The following NUP93 variants were observed in gnomAD, a reference collection of about 807,000 sequenced individuals.
NUP93 encodes the protein nuclear pore complex protein Nup93.
In NUP93, 55 loss-of-function variants were observed where a neutral mutation model predicts 107.8. The observed-to-expected ratio is 0.51, with a 90% CI of 0.41 to 0.64. The LOEUF (loss-of-function observed/expected upper bound fraction) is 0.64, where lower values mean the gene tolerates loss of function less well. NUP93 is among the 30% of genes least tolerant of loss of function. NUP93 has a pLI of 0.00. For missense variants in NUP93, 937 were observed against 1,044.7 expected, an observed-to-expected ratio of 0.90 and a Z score of 1.42; for synonymous variants, 390 against 397.5, an observed-to-expected ratio of 0.98 and a Z score of 0.22.
At chr16:56,785,524 A>C (rs1962607325) in intron 3 of NUP93, among the ~76,000 whole-genome samples, 1 of 152,140 alleles carries the variant, frequency 6.6e-6, no homozygotes. Flanking sequence ...TTCTTTTTGC[A>C]ACAAAAAATG....
chr16:56,805,501 C>A lies in NUP93; in HGVS notation c.361-3C>A. The A allele has an allele frequency of 6.2e-7, 1 of 1,613,592 alleles. No individual in the cohort carries two copies. The highest frequency in any genetic ancestry group is 8.5e-7 in the Non-Finnish European group (1 of 1,179,694). ...GTCATTGTTCTCTGTTCCTTTCTGG[C>A]AGACCTTCGGCATGGCTGAGGAGTA... On this transcript the variant is annotated splice_polypyrimidine_tract_variant and splice_region_variant and intron_variant, in intron 4 of 21. Transcript: ENST00000308159.
At chr16:56,840,241 C>T (rs558462333) in intron 20 of NUP93, among the ~76,000 whole-genome samples, 2 of 152,292 alleles carry the variant, frequency 1.3e-5, no homozygotes, top group Admixed American at 6.5e-5. Flanking sequence ...AGGATGGTCT[C>T]GATCTTCTGA....
intron 20 of NUP93, 22 bp from the exon 21 acceptor site, chr16:56,841,683 C>T: frequency 3.1e-6 from 5 of 1,610,968 alleles, no homozygotes; most frequent in Non-Finnish European, 4.2e-6. Flanking sequence ...TTTTTCTTTA[C>T]TCTGTTTTTC....
intron 8 of NUP93, among the ~76,000 whole-genome samples, chr16:56,826,690 A>T (rs1358241336): frequency 1.3e-5 from 2 of 152,028 alleles, no homozygotes; most frequent in African/African-American, 4.8e-5. Context: ...GGCTCCTATT[A>T]CCTTGTTGTA....
intron 7 of NUP93, among the ~76,000 whole-genome samples, chr16:56,823,004 C>T (rs1432925506): frequency 9.9e-5 from 15 of 152,192 alleles, no homozygotes; most frequent in Admixed American, 2.6e-4. Context: ...CCTGCAAGGA[C>T]TCATACATTT....
At chr16:56,814,967 C>G (rs1963390842) in intron 5 of NUP93, among the ~76,000 whole-genome samples, 1 of 152,182 alleles carries the variant, frequency 6.6e-6, no homozygotes, top group African/African-American at 2.4e-5. Context: ...ACGTACACAT[C>G]CTCTTGTGGA....
chr16:56,833,563 AG>A (rs1448308392), intron 13 of NUP93, among the ~76,000 whole-genome samples, 157 bp downstream of exon 13: 1 of 152,206 alleles, frequency 6.6e-6, no homozygotes, highest in Non-Finnish European at 1.5e-5. Context: ...ATTAGTGTTA[AG>A]GGTTCCTGCT....
chr16:56,782,555 G>A (rs1346218944), intron 3 of NUP93: 6 of 152,120 alleles, frequency 3.9e-5, no homozygotes, highest in Non-Finnish European at 8.8e-5. Context: ...GGAGATACAT[G>A]TGAAGTGCAA....
At chr16:56,775,375 C>T (rs1007549223) in intron 3 of NUP93, among the ~76,000 whole-genome samples, 2 of 152,168 alleles carry the variant, frequency 1.3e-5, no homozygotes, top group Non-Finnish European at 2.9e-5. Flanking sequence ...ATAGGTTAAT[C>T]AGTCATGTTG....
intron 8 of NUP93, among the ~76,000 whole-genome samples, chr16:56,824,498 G>A (rs1310646243): frequency 6.6e-6 from 1 of 152,160 alleles, no homozygotes; most frequent in Non-Finnish European, 1.5e-5. Flanking sequence ...TGGCCAGCAG[G>A]GGTTGTCATG....
chr16:56,731,124 A>G (rs1961527740), intron 1 of NUP93, among the ~76,000 whole-genome samples: 1 of 152,076 alleles, frequency 6.6e-6, no homozygotes, highest in Admixed American at 6.5e-5. Context: ...TCATAGCATT[A>G]AATACATACA....
chr16:56,758,698 C>G, intron 3 of NUP93, 43 bp downstream of exon 3: 2 of 1,367,618 alleles, frequency 1.5e-6, no homozygotes, highest in East Asian at 4.6e-5. Flanking sequence ...GCATATAACC[C>G]AGGCTGAAGA....
chr16:56,808,619 T>A (rs1406387070), intron 5 of NUP93, among the ~76,000 whole-genome samples: 3 of 129,180 alleles, frequency 2.3e-5, no homozygotes, highest in East Asian at 2.1e-4. Flanking sequence ...TAAATATTTA[T>A]AAATATATAA....
chr16:56,794,483 A>G (rs1338982777), intron 3 of NUP93, among the ~76,000 whole-genome samples: 1 of 152,062 alleles, frequency 6.6e-6, no homozygotes, highest in African/African-American at 2.4e-5. Flanking sequence ...TTGAAATTTC[A>G]TCTCTCAGAA....
At position 56,834,372 on chromosome 16, in the gene NUP93, A is replaced by G. The variant is rs781337673; in HGVS notation, c.1667A>G (p.Asp556Gly). The G allele has an allele frequency of 5.6e-6, 9 of 1,614,102 alleles. No individual in the cohort carries two copies. The highest frequency in any genetic ancestry group is 1.7e-5 in the Admixed American group (1 of 60,010). ...EALQYFYFLR[D>G]EKDSQGENMF... ...TGAGTTGTTTATTTCCCTTACAGGG[A>G]TGAGAAAGATAGTCAAGGAGAAAAC... Residue 556 changes from aspartate to glycine, a missense_variant and splice_region_variant, in exon 15 of 22, where the codon GAT (aspartate) becomes GGT (glycine). Asp to Gly is a moderately conservative substitution (Grantham distance 94). Transcript: ENST00000308159.
At chr16:56,833,919 T>C (rs1439144887) in intron 13 of NUP93, among the ~76,000 whole-genome samples, 1 of 152,224 alleles carries the variant, frequency 6.6e-6, no homozygotes, top group African/African-American at 2.4e-5. Context: ...TAGTAATTTA[T>C]GGCAAAGTGC....
rs1290664759 is a variant in NUP93 at position 56,848,179 on chromosome 16, T to C, written c.*3570T>C. 2 of 152,158 alleles carry C rather than the reference T, an allele frequency of 1.3e-5. No homozygotes were observed. The highest frequency in any genetic ancestry group is 2.9e-5 in the Non-Finnish European group (2 of 68,048). 9.4% of individuals were successfully genotyped at this position (152,158 alleles called of 1,614,324 possible). ...ACTTGCCAAATTTCCAGCATGCCAC[T>C]CAGGAAGTGACTTGAGCATGCTGAA... On this transcript the variant is annotated 3_prime_UTR_variant, in exon 22 of 22. Coordinates refer to ENST00000308159, the MANE Select transcript of NUP93 (RefSeq NM_014669.5).
chr16:56,836,094 A>T (rs1405400961), intron 16 of NUP93, among the ~76,000 whole-genome samples: 1 of 147,966 alleles, frequency 6.8e-6, no homozygotes, highest in Non-Finnish European at 1.5e-5. Flanking sequence ...GCGCCACTGC[A>T]CTCCAGCCTG....
intron 3 of NUP93, among the ~76,000 whole-genome samples, chr16:56,790,798 T>A (rs1962744449): frequency 6.6e-6 from 1 of 152,252 alleles, no homozygotes; most frequent in African/African-American, 2.4e-5. Context: ...ACCAACTGAA[T>A]ACTCAATAGT....
Sources: allele counts gnomAD v4.1 joint callset (sites outside exome capture counted in the v4.1 genomes callset), GRCh38; gene constraint gnomAD v4.1.1; transcripts MANE v1.5; gene names NCBI Gene and HGNC (gene_info 2026-07-23, HGNC 2026-07-21).